SYNGR2: variants seen among roughly 807,000 people sequenced by gnomAD.
SYNGR2 encodes the protein synaptogyrin 2.
A neutral mutation model predicts 18.7 loss-of-function variants in SYNGR2; 11 were observed. That is an observed-to-expected ratio of 0.59 (90% CI 0.37 to 0.97). SYNGR2 has a LOEUF of 0.97. Among genes scored for constraint, SYNGR2 ranks in the 50% least tolerant of loss-of-function variants. SYNGR2 has a pLI of 0.01. For missense variants in SYNGR2, 253 were observed against 300.7 expected, an observed-to-expected ratio of 0.84 and a Z score of 1.17; for synonymous variants, 127 against 131.0, an observed-to-expected ratio of 0.97 and a Z score of 0.21.
intron 1 of SYNGR2, chr17:78,169,033 C>A: frequency 5.7e-6 from 1 of 176,526 alleles, no homozygotes; most frequent in Non-Finnish European, 1.2e-5. Flanking sequence ...GGCTCCCGGA[C>A]AGGTGGCCCG....
chr17:78,170,306 C>G (rs1331888984), intron 1 of SYNGR2: 3 of 155,462 alleles, frequency 1.9e-5, no homozygotes, highest in African/African-American at 4.8e-5. Context: ...GGGCAGGCCC[C>G]CTGGTGCCTG....
chr17:78,170,226 G>A (rs2075648511), intron 1 of SYNGR2: 1 of 153,290 alleles, frequency 6.5e-6, no homozygotes, highest in African/African-American at 2.4e-5. Flanking sequence ...GCAGGCCGAT[G>A]GGGCAGGAGC....
At chr17:78,172,882 C>T (rs557908920), downstream of SYNGR2, 17 of 152,436 alleles carry the variant, frequency 1.1e-4, no homozygotes, top group African/African-American at 4.1e-4. Context: ...TGTCTGGGGT[C>T]GCATTCCGCA....
At position 78,171,551 on chromosome 17, in the gene SYNGR2, A is replaced by G. The variant is rs1598960444; in HGVS notation, c.379A>G (p.Thr127Ala). The change falls in exon 3 of 4, where the codon ACC becomes GCC. Residue 127 changes from threonine (T) to alanine (A), a missense_variant. Physicochemically the swap from Thr to Ala is moderately conservative, Grantham distance 58. Transcript: ENST00000225777. The surrounding 1 kb of genome is among the most constrained non-coding windows in gnomAD (Gnocchi z 6.6). The part of the protein sequence containing the change: ...FLWFVGFCFL[T>A]NQWAVTNPKD... ...GTGGTTTGTTGGTTTCTGCTTCCTCACCAACCAGTGGGCAGTCACCAACCC... is the reference window on the plus strand; with the variant it reads ...GTGGTTTGTTGGTTTCTGCTTCCTCGCCAACCAGTGGGCAGTCACCAACCC... 1.2e-5 allele frequency: 19 copies of G among 1,531,070 alleles called. No homozygotes were observed. Among genetic ancestry groups the G allele is most frequent in the Admixed American group, 2.1e-5 (1 of 47,956 alleles). 94.8% of individuals were successfully genotyped at this position (1,531,070 alleles called of 1,614,324 possible). A position where few individuals can be genotyped will look rare whatever the true frequency, so the allele number is the denominator to read the frequency against.
chr17:78,171,804 C>T lies in SYNGR2; in HGVS notation c.543C>T (p.Tyr181=), dbSNP rs137932562. The change falls in exon 4 of 4, where the codon TAC becomes TAT. Residue 181 remains tyrosine, a synonymous_variant. Transcript: ENST00000225777. This position sits in a 1 kb window ranked among gnomAD's most constrained non-coding sequence, Gnocchi z 6.6. ...KAGVDDFIQN[Y]VDPTPDPNTA... ...GCGTGGACGACTTCATCCAGAATTA[C>T]GTTGACCCCACTCCGGACCCCAACA... 447 of 1,614,034 alleles carry T rather than the reference C, an allele frequency of 2.8e-4. No homozygotes were observed. The highest frequency in any genetic ancestry group is 3.4e-4 in the Non-Finnish European group (406 of 1,180,018).
At chr17:78,168,837 G>A in intron 1 of SYNGR2, 122 bp downstream of exon 1, 1 of 847,682 alleles carries the variant, frequency 1.2e-6, no homozygotes, top group Non-Finnish European at 1.5e-6. Flanking sequence ...GCCTGGCGGC[G>A]AGCGGGGCCG....
intron 1 of SYNGR2, among the ~76,000 whole-genome samples, chr17:78,169,525 C>T (rs2075644473): frequency 6.6e-6 from 1 of 152,188 alleles, no homozygotes; most frequent in Admixed American, 6.5e-5. Flanking sequence ...GGGCACCCTG[C>T]TCCCATCATC....
At position 78,172,332 on chromosome 17, in the gene SYNGR2, G is replaced by C; in HGVS notation, c.*396G>C. On this transcript the variant is annotated 3_prime_UTR_variant, in exon 4 of 4. Transcript: ENST00000225777. ...TATCTGCGTTCTCTGCCAAAGACTC[G>C]TGGGGGCCATCACACCTGCCCTGTG... 1 of 422,674 alleles carries C rather than the reference G, an allele frequency of 2.4e-6. No homozygotes were observed. Among genetic ancestry groups the C allele is most frequent in the Non-Finnish European group, 4.3e-6 (1 of 233,424 alleles). 26.2% of individuals were successfully genotyped at this position (422,674 alleles called of 1,614,324 possible). A position where few individuals can be genotyped will look rare whatever the true frequency, so the allele number is the denominator to read the frequency against.
At chr17:78,168,852 C>G (rs2075637500) in intron 1 of SYNGR2, 137 bp downstream of exon 1, 1 of 721,392 alleles carries the variant, frequency 1.4e-6, no homozygotes, top group African/African-American at 1.9e-5. Flanking sequence ...GGGCCGGCGT[C>G]CAGCGTCCCG....
Position 78,168,641 on chromosome 17 carries a change from G to T in SYNGR2, c.25G>T (p.Ala9Ser). MESGAYGA[A>S]KAGGSFDLRR... is the part of the protein sequence containing the mutation. ...CATGGAGAGCGGGGCCTACGGCGCG[G>T]CCAAGGCGGGCGGCTCCTTCGACCT... is the stretch of plus-strand genomic sequence containing the variant. The change falls in exon 1 of 4, where the codon GCC becomes TCC. Residue 9 changes from alanine (A) to serine (S), a missense_variant. Physicochemically the swap from Ala to Ser is moderately conservative, Grantham distance 99 (BLOSUM62 1). Coordinates refer to ENST00000225777, the MANE Select transcript of SYNGR2 (RefSeq NM_004710.7). The T allele has an allele frequency of 8.3e-7, 1 of 1,204,660 alleles. No homozygotes were observed. The highest frequency in any genetic ancestry group is 1.0e-6 in the Non-Finnish European group (1 of 970,508). 74.6% of individuals were successfully genotyped at this position (1,204,660 alleles called of 1,614,324 possible).
Position 78,170,868 on chromosome 17 carries a change from G to A in SYNGR2, c.151G>A (p.Ala51Thr). 6.2e-7 allele frequency: 1 copy of A among 1,613,256 alleles called. No individual in the cohort carries two copies. The highest frequency in any genetic ancestry group is 8.5e-7 in the Non-Finnish European group (1 of 1,180,034). The stretch of plus-strand genomic sequence containing the variant: ...CATCTATGGTGAGGGCTACAGCAAT[G>A]CCCACGAGTCTAAGCAGATGTACTG... Reference protein sequence around the residue: ...SCIYGEGYSNAHESKQMYCVF... With the variant: ...SCIYGEGYSNTHESKQMYCVF... Residue 51 changes from alanine (A) to threonine (T), a missense_variant, in exon 2 of 4, where the codon GCC becomes ACC. Physicochemically the swap from Ala to Thr is moderately conservative, Grantham distance 58. Coordinates refer to ENST00000225777, the MANE Select transcript of SYNGR2 (RefSeq NM_004710.7).
Position 78,168,587 on chromosome 17 carries a change from C to CGCG in SYNGR2, c.-21_-19dup, listed in dbSNP as rs1006830707. On this transcript the variant is annotated 5_prime_UTR_variant, in exon 1 of 4. Transcript: ENST00000225777. ...GCGCCGGGCAGGTTCCTCTGCGTTC[C>CGCG]GCGGCGGCGGCAGCGGCGGCGACGG... The CGCG allele has an allele frequency of 3.4e-6, 4 of 1,176,422 alleles. No homozygotes were observed. Among genetic ancestry groups the CGCG allele is most frequent in the Non-Finnish European group, 4.2e-6 (4 of 946,832 alleles). 72.9% of individuals were successfully genotyped at this position (1,176,422 alleles called of 1,614,324 possible).
rs778099438 is a variant in SYNGR2, at chr17:78,171,086, G to T, written c.337+32G>T. The T allele has an allele frequency of 1.1e-5, 17 of 1,601,776 alleles. No individual in the cohort carries two copies. The South Asian group carries it at 1.9e-4, about 18-fold the overall frequency. ...GCCTGTGGCACCTCCATTTGATCTT[G>T]GGGGAGGCATTAACTCTAGGGTTCC... On this transcript the variant is annotated intron_variant, in intron 2 of 3. Coordinates refer to ENST00000225777, the MANE Select transcript of SYNGR2 (RefSeq NM_004710.7). The surrounding 1 kb of genome is among the most constrained non-coding windows in gnomAD (Gnocchi z 6.6).
In SYNGR2 at chr17:78,172,331, CGTG is replaced by C. The variant is rs1381418070; in HGVS notation, c.*397_*399del. The C allele has an allele frequency of 1.4e-5, 6 of 417,686 alleles. No individual in the cohort carries two copies. Among genetic ancestry groups the C allele is most frequent in the East Asian group, 8.2e-5 (2 of 24,366 alleles). The allele number at this position is 417,686 out of a possible 1,614,324, so 25.9% of individuals were successfully genotyped here. On this transcript the variant is annotated 3_prime_UTR_variant, in exon 4 of 4. Coordinates refer to ENST00000225777, the MANE Select transcript of SYNGR2 (RefSeq NM_004710.7). ...TTATCTGCGTTCTCTGCCAAAGACTCGTGGGGGCCATCACACCTGCCCTGTGCA... is the reference window on the plus strand; with the variant it reads ...TTATCTGCGTTCTCTGCCAAAGACTCGGGGCCATCACACCTGCCCTGTGCA...
Position 78,172,473 on chromosome 17 carries a change from G to A in SYNGR2, c.*537G>A, listed in dbSNP as rs2075667835. 1 of 165,472 alleles carries A rather than the reference G, an allele frequency of 6.0e-6. No homozygotes were observed. Among genetic ancestry groups the A allele is most frequent in the African/African-American group, 2.4e-5 (1 of 41,882 alleles). The allele number at this position is 165,472 out of a possible 1,614,324, so 10.3% of individuals were successfully genotyped here. On this transcript the variant is annotated 3_prime_UTR_variant, in exon 4 of 4. Coordinates refer to ENST00000225777, the MANE Select transcript of SYNGR2 (RefSeq NM_004710.7). ...CGGTGGCCTCTGGGCTGCCTCCCGT[G>A]GTGTGAGGGCGGGGCTGGTGCTCAT...
At chr17:78,169,690 C>T (rs2075645455) in intron 1 of SYNGR2, 1 of 152,424 alleles carries the variant, frequency 6.6e-6, no homozygotes, top group Non-Finnish European at 1.5e-5. Context: ...ACCTGTCCCA[C>T]ACCTGCTGAG....
At chr17:78,170,377 T>G (rs770011569) in intron 1 of SYNGR2, 12 of 165,360 alleles carry the variant, frequency 7.3e-5, no homozygotes, top group Non-Finnish European at 1.3e-4. Flanking sequence ...CTCCACAAGT[T>G]TGGAGGGGCT....
chr17:78,169,259 T>TGG (rs2075640903), intron 1 of SYNGR2: 1 of 27,562 alleles, frequency 3.6e-5, no homozygotes, highest in Non-Finnish European at 6.3e-5. Flanking sequence ...CCAGGTTTTG[T>TGG]GTGTGTGTGT....
chr17:78,171,111 C>A lies in SYNGR2; in HGVS notation c.337+57C>A. On this transcript the variant is annotated intron_variant, in intron 2 of 3. Transcript: ENST00000225777. The surrounding 1 kb of genome is among the most constrained non-coding windows in gnomAD (Gnocchi z 6.6). Reference sequence around the variant, plus strand: ...GGGGGAGGCATTAACTCTAGGGTTCCGCAGCTGGGAGGGTCTCGGCCTCTC... The same window carrying A: ...GGGGGAGGCATTAACTCTAGGGTTCAGCAGCTGGGAGGGTCTCGGCCTCTC... 1 of 1,548,220 alleles carries A rather than the reference C, an allele frequency of 6.5e-7. No homozygotes were observed. Among genetic ancestry groups the A allele is most frequent in the South Asian group, 1.1e-5 (1 of 88,560 alleles).
Sources: allele counts gnomAD v4.1 joint callset (sites outside exome capture counted in the v4.1 genomes callset), GRCh38; gene constraint gnomAD v4.1.1; non-coding constraint Gnocchi (gnomAD v3.1); transcripts MANE v1.5; gene names NCBI Gene and HGNC (gene_info 2026-07-23, HGNC 2026-07-21).